Variants in CAGE1 observed in about 807,000 individuals in gnomAD.
CAGE1 encodes the protein cancer-associated gene 1 protein.
In CAGE1, 66 loss-of-function variants were observed where a neutral mutation model predicts 94.9. That is an observed-to-expected ratio of 0.70 (90% CI 0.57 to 0.85). CAGE1 has a LOEUF of 0.85. Among genes scored for constraint, CAGE1 ranks in the 40% least tolerant of loss-of-function variants. The probability of loss-of-function intolerance (pLI) is 0.00; values close to 1 mark genes in which losing one functional copy is unlikely to be tolerated. For synonymous variants in CAGE1, 319 were observed against 321.0 expected, an observed-to-expected ratio of 0.99 and a Z score of 0.07; for missense variants, 865 against 950.4, an observed-to-expected ratio of 0.91 and a Z score of 1.18.
intron 11 of CAGE1, among the ~76,000 whole-genome samples, chr6:7,349,795 G>A (rs1020158449): frequency 1.3e-5 from 2 of 151,902 alleles, no homozygotes; most frequent in African/African-American, 4.8e-5. Flanking sequence ...AGCCAGGTGT[G>A]GTGGTGCACA....
intron 11 of CAGE1, among the ~76,000 whole-genome samples, chr6:7,346,069 A>T (rs976817407): frequency 2.0e-5 from 3 of 152,340 alleles, no homozygotes; most frequent in Admixed American, 6.5e-5. Flanking sequence ...AATTTTTTTT[A>T]AATTTTAGGT....
At chr6:7,360,870 C>T (rs564809569) in intron 9 of CAGE1, among the ~76,000 whole-genome samples, 2 of 152,166 alleles carry the variant, frequency 1.3e-5, no homozygotes, top group South Asian at 4.2e-4. Context: ...TCACTTGAAC[C>T]CGGGAGGTGG....
intron 11 of CAGE1, chr6:7,341,739 G>A (rs375337457): frequency 4.5e-5 from 31 of 691,574 alleles, no homozygotes; most frequent in Non-Finnish European, 6.9e-5. Context: ...GGAAGGCCTC[G>A]CTTGGATCAC....
intron 5 of CAGE1, 70 bp downstream of exon 5, chr6:7,373,003 A>T: frequency 9.2e-7 from 1 of 1,091,488 alleles, no homozygotes; most frequent in Non-Finnish European, 1.3e-6. Context: ...TGCCACGTCT[A>T]AATACGCATC....
At chr6:7,341,094 C>A in intron 11 of CAGE1, 1 of 538,226 alleles carries the variant, frequency 1.9e-6, no homozygotes. Context: ...AGGGGATCTC[C>A]AATGCCTTTA....
At chr6:7,386,552 A>C (rs1387066021) in intron 2 of CAGE1, among the ~76,000 whole-genome samples, 1 of 152,150 alleles carries the variant, frequency 6.6e-6, no homozygotes, top group African/African-American at 2.4e-5. Context: ...TGAATTGGTC[A>C]CGTCCCCTGG....
At chr6:7,341,202 C>G (rs1759161760) in intron 11 of CAGE1, 1 of 647,112 alleles carries the variant, frequency 1.5e-6, no homozygotes, top group Non-Finnish European at 2.8e-6. Flanking sequence ...GCAGTTGACA[C>G]AGCTTGTGCT....
At chr6:7,327,401 T>C (rs9505167) in intron 13 of CAGE1, among the ~76,000 whole-genome samples, 27,061 of 151,794 alleles carry the variant, frequency 0.18, 2,564 homozygotes, top group African/African-American at 0.23. Flanking sequence ...GTGATCCACC[T>C]GCCTCAGCTG....
At chr6:7,353,693 A>ATG (rs1442792796) in intron 11 of CAGE1, among the ~76,000 whole-genome samples, 1 of 125,870 alleles carries the variant, frequency 7.9e-6, no homozygotes, top group African/African-American at 3.3e-5. Flanking sequence ...TATTATATAT[A>ATG]TGTACACACA....
chr6:7,384,102 A>G (rs561757769), intron 3 of CAGE1, among the ~76,000 whole-genome samples: 2 of 152,230 alleles, frequency 1.3e-5, no homozygotes, highest in Non-Finnish European at 1.5e-5. Context: ...TCTAATCCTT[A>G]TAGCACTTAT....
chr6:7,344,380 G>A (rs991476646), intron 11 of CAGE1, among the ~76,000 whole-genome samples: 2 of 152,236 alleles, frequency 1.3e-5, no homozygotes, highest in African/African-American at 2.4e-5. Flanking sequence ...TGCAGAGGGT[G>A]TACTGGGTCC....
chr6:7,351,812 C>T (rs1387772108), intron 11 of CAGE1, among the ~76,000 whole-genome samples: 1 of 152,110 alleles, frequency 6.6e-6, no homozygotes, highest in African/African-American at 2.4e-5. Context: ...TCAGAAAAAG[C>T]ATTTGACAAA....
chr6:7,387,390 C>A (rs1761156323), intron 1 of CAGE1, among the ~76,000 whole-genome samples, 194 bp from the exon 2 acceptor site: 1 of 152,076 alleles, frequency 6.6e-6, no homozygotes, highest in African/African-American at 2.4e-5. Context: ...TGGAGAAAAA[C>A]AAACAGTATT....
chr6:7,374,540 T>C (rs997092380), intron 4 of CAGE1, among the ~76,000 whole-genome samples: 1 of 150,814 alleles, frequency 6.6e-6, no homozygotes, highest in Non-Finnish European at 1.5e-5. Flanking sequence ...TTCTCTCTCT[T>C]TTTTTTTTTA....
intron 11 of CAGE1, chr6:7,340,737 G>C (rs1470126831): frequency 3.8e-6 from 1 of 261,338 alleles, no homozygotes; most frequent in Non-Finnish European, 7.4e-6. Context: ...CTGGACCAGG[G>C]GCTGACATTA....
intron 11 of CAGE1, among the ~76,000 whole-genome samples, chr6:7,334,544 C>T (rs1758883479): frequency 6.6e-6 from 1 of 151,808 alleles, no homozygotes; most frequent in African/African-American, 2.4e-5. Context: ...GCCTGGGCAA[C>T]ATGGTGAAAT....
At chr6:7,372,607 G>A (rs1003077768) in intron 5 of CAGE1, among the ~76,000 whole-genome samples, 3 of 152,050 alleles carry the variant, frequency 2.0e-5, no homozygotes, top group Admixed American at 2.0e-4. Flanking sequence ...GAATATTCAT[G>A]AACCAAAAGA....
At chr6:7,364,878 A>T (rs1370904614) in intron 9 of CAGE1, among the ~76,000 whole-genome samples, 1 of 152,206 alleles carries the variant, frequency 6.6e-6, no homozygotes, top group Non-Finnish European at 1.5e-5. Context: ...TTTAGTATAG[A>T]ATGCTGCTTT....
chr6:7,355,675 T>C (rs183973015), intron 10 of CAGE1, among the ~76,000 whole-genome samples: 4 of 152,352 alleles, frequency 2.6e-5, no homozygotes. Context: ...ATATTTGGCA[T>C]AGTTTTTAAA....
Sources: gnomAD v4.1 joint callset for allele counts (sites outside exome capture counted in the v4.1 genomes callset) on GRCh38, gnomAD v4.1.1 for gene constraint, MANE v1.5 for transcripts, NCBI Gene and HGNC (gene_info 2026-07-23, HGNC 2026-07-21) for gene names.